ANKRD30A: variants seen among roughly 807,000 people sequenced by gnomAD.
ANKRD30A encodes ankyrin repeat domain 30A.
A neutral mutation model predicts 166.3 loss-of-function variants in ANKRD30A; 170 were observed. That is an observed-to-expected ratio of 1.02 (90% CI 0.90 to 1.16). ANKRD30A has a LOEUF of 1.16. Among genes scored for constraint, ANKRD30A ranks in the 50% most tolerant of loss-of-function variants. The pLI is 0.00. For missense variants in ANKRD30A, 1,630 were observed against 1,518.0 expected (o/e 1.07, Z -1.23); for synonymous variants, 564 against 508.9 (o/e 1.11, Z -1.46).
At chr10:37,193,571 T>C (rs1204073414) in intron 27 of ANKRD30A, among the ~76,000 whole-genome samples, 1 of 152,030 alleles carries the variant, frequency 6.6e-6, no homozygotes, top group East Asian at 1.9e-4. Flanking sequence ...TGTGAAATAT[T>C]TGCAGTGGTT....
chr10:37,239,127 A>G, the ANKRD30A span, among the ~76,000 whole-genome samples: 1 of 152,158 alleles, frequency 6.6e-6, no homozygotes, highest in Admixed American at 6.5e-5. Context: ...AACACTTGCA[A>G]TGGAGCTTGA....
At chr10:37,191,037 T>C (rs1367336301) in intron 25 of ANKRD30A, among the ~76,000 whole-genome samples, 1 of 151,950 alleles carries the variant, frequency 6.6e-6, no homozygotes, top group East Asian at 1.9e-4. Flanking sequence ...CTTGAATACC[T>C]AAATTGTTGT....
chr10:37,196,831 C>G (rs1841166632), intron 27 of ANKRD30A, among the ~76,000 whole-genome samples: 1 of 152,112 alleles, frequency 6.6e-6, no homozygotes, highest in South Asian at 2.1e-4. Context: ...CCAAGCTGAT[C>G]AATTCAAAAC....
chr10:37,212,706 ATAACGTCTT>A (rs1276284721), intron 31 of ANKRD30A, among the ~76,000 whole-genome samples: 2 of 151,936 alleles, frequency 1.3e-5, no homozygotes, highest in Non-Finnish European at 2.9e-5. Flanking sequence ...GTCCTCAGAA[ATAACGTCTT>A]TAATCCATGT....
Position 37,147,406 on chromosome 10 carries a change from A to T in ANKRD30A, c.1492A>T (p.Ile498Leu), listed in dbSNP as rs1186723887. 1 of 1,599,190 alleles carries T rather than the reference A, an allele frequency of 6.3e-7. No homozygotes were observed. The highest frequency in any genetic ancestry group is 1.3e-5 in the African/African-American group (1 of 74,168). ...GAGTTCTGCAAAGATTCAAGTGTGTATACCTGAGTCTATATATCAAAAAGT... is the reference window on the plus strand; with the variant it reads ...GAGTTCTGCAAAGATTCAAGTGTGTTTACCTGAGTCTATATATCAAAAAGT... ...FESSAKIQVC[I>L]PESIYQKVME... Residue 498 changes from isoleucine to leucine, a missense_variant, in exon 9 of 36, where the codon ATA becomes TTA. Coordinates refer to ENST00000361713, the MANE Select transcript of ANKRD30A (RefSeq NM_052997.3).
chr10:37,262,904 T>C, the ANKRD30A span, among the ~76,000 whole-genome samples: 1 of 152,172 alleles, frequency 6.6e-6, no homozygotes, highest in African/African-American at 2.4e-5. Flanking sequence ...CTGGGGATCC[T>C]TCCAGACATT....
Position 37,141,702 on chromosome 10 carries a change from A to T in ANKRD30A, c.821-16A>T. The T allele has an allele frequency of 6.2e-7, 1 of 1,611,026 alleles. No individual in the cohort carries two copies. The highest frequency in any genetic ancestry group is 8.5e-7 in the Non-Finnish European group (1 of 1,179,652). Reference sequence around the variant, plus strand: ...TTTAGTAGAAGGAAAATTTAACCAGATTGTGTGTTTGGCAGAAGGAACATC... The same window carrying T: ...TTTAGTAGAAGGAAAATTTAACCAGTTTGTGTGTTTGGCAGAAGGAACATC... On this transcript the variant is annotated splice_polypyrimidine_tract_variant and intron_variant, in intron 6 of 35. Transcript: ENST00000361713.
At chr10:37,142,658 G>A (rs1218612350) in intron 7 of ANKRD30A, among the ~76,000 whole-genome samples, 3 of 140,016 alleles carry the variant, frequency 2.1e-5, no homozygotes, top group Non-Finnish European at 4.5e-5. Context: ...GAGTGATCTC[G>A]GCTGACTACA....
intron 34 of ANKRD30A, among the ~76,000 whole-genome samples, chr10:37,223,769 T>G (rs1248996878): frequency 6.6e-6 from 1 of 151,286 alleles, no homozygotes; most frequent in Non-Finnish European, 1.5e-5. Flanking sequence ...ATAATATTTT[T>G]AGGAAAGAAG....
At chr10:37,136,088 G>A (rs1206050224) in intron 5 of ANKRD30A, among the ~76,000 whole-genome samples, 8 of 145,990 alleles carry the variant, frequency 5.5e-5, no homozygotes, top group African/African-American at 2.1e-4. Context: ...CACTGCACCA[G>A]GCCAACACAT....
intron 34 of ANKRD30A, among the ~76,000 whole-genome samples, chr10:37,231,074 T>C (rs1285218144): frequency 6.6e-6 from 1 of 152,092 alleles, no homozygotes; most frequent in African/African-American, 2.4e-5. Context: ...CCTGAAAATA[T>C]CTTTGAGGGA....
intron 34 of ANKRD30A, among the ~76,000 whole-genome samples, chr10:37,221,089 A>G (rs1438094667): frequency 2.8e-5 from 4 of 140,402 alleles, no homozygotes; most frequent in Non-Finnish European, 6.2e-5. Context: ...GTGAAGCATT[A>G]CAGATTCATT....
intron 31 of ANKRD30A, among the ~76,000 whole-genome samples, chr10:37,205,828 A>G (rs982978081): frequency 2.0e-5 from 3 of 152,342 alleles, no homozygotes; most frequent in African/African-American, 7.2e-5. Context: ...ACTTGAGGTC[A>G]TGCAATTTTA....
At position 37,216,395 on chromosome 10, in the gene ANKRD30A, G is replaced by A. The variant is rs766442421; in HGVS notation, c.3083+1G>A. ...GGGAACAAGAGCTCTGCAGTGTGAG[G>A]TGTGATTTCCTAGTTTTAAATAAAT... On this transcript the variant is annotated splice_donor_variant, in intron 32 of 35. Coordinates refer to ENST00000361713, the MANE Select transcript of ANKRD30A (RefSeq NM_052997.3). LOFTEE classifies it high-confidence loss of function. 20 of 1,581,912 alleles carry A rather than the reference G, an allele frequency of 1.3e-5. 1 individual carries two copies. The Middle Eastern group carries it at 1.7e-3, about 136-fold the overall frequency.
chr10:37,162,113 A>G lies in ANKRD30A; in HGVS notation c.1901-536A>G, dbSNP rs1307263302. 5.3e-5 allele frequency among the ~76,000 whole-genome samples: 8 copies of G among 152,176 alleles called. No homozygotes were observed. The East Asian group carries it at 1.3e-3, about 26-fold the overall frequency. On this transcript the variant is annotated intron_variant, in intron 15 of 35. Coordinates refer to ENST00000361713, the MANE Select transcript of ANKRD30A (RefSeq NM_052997.3). ...CAGCTAAAGTAGAGGATACAGAAAT[A>G]TAGGCATATGATTACACCATATGGT...
chr10:37,167,287 A>AATATATATATATATAT lies in ANKRD30A; in HGVS notation c.2155+607_2155+608insTATATATATATATATA, dbSNP rs61480898. Among the ~76,000 whole-genome samples the AATATATATATATATAT allele has an allele frequency of 7.9e-3, 995 of 126,178 alleles. 57 individuals are homozygous for AATATATATATATATAT. The highest frequency in any genetic ancestry group is 0.032 in the African/African-American group (910 of 28,088). The allele number at this position is 126,178 out of a possible 152,430, so 82.8% of individuals were successfully genotyped here. A position where few individuals can be genotyped will look rare whatever the true frequency, so the allele number is the denominator to read the frequency against. ...TTTTCTTTATTACTATGAGGCGTCA[A>AATATATATATATATAT]ATATATATATATATAGATGTGTGCA... On this transcript the variant is annotated intron_variant, in intron 19 of 35. Transcript: ENST00000361713.
chr10:37,204,952 G>C (rs1303767865), intron 31 of ANKRD30A, among the ~76,000 whole-genome samples: 1 of 152,106 alleles, frequency 6.6e-6, no homozygotes, highest in African/African-American at 2.4e-5. Context: ...GGAAACAACA[G>C]GTGCTGGAGA....
chr10:37,229,479 A>G (rs1843318397), intron 34 of ANKRD30A, among the ~76,000 whole-genome samples: 2 of 152,012 alleles, frequency 1.3e-5, no homozygotes, highest in South Asian at 4.1e-4. Context: ...CACCTCAAAC[A>G]TTTATTATTT....
chr10:37,228,820 A>T (rs1365997272), intron 34 of ANKRD30A, among the ~76,000 whole-genome samples: 3 of 152,116 alleles, frequency 2.0e-5, no homozygotes, highest in Non-Finnish European at 2.9e-5. Context: ...AAGGTGACTA[A>T]TTTCTACTGT....
Sources: gnomAD v4.1 joint callset for allele counts (sites outside exome capture counted in the v4.1 genomes callset) on GRCh38, gnomAD v4.1.1 for gene constraint, MANE v1.5 for transcripts, NCBI Gene and HGNC (gene_info 2026-07-23, HGNC 2026-07-21) for gene names.